Variants in DNAAF2 observed in about 807,000 individuals in gnomAD.
The protein encoded by DNAAF2 is dynein axonemal assembly factor 2.
Under a neutral mutation model 48.8 loss-of-function variants are expected in DNAAF2, and 58 were observed. That is an observed-to-expected ratio of 1.19 (90% CI 0.96 to 1.48). DNAAF2 has a LOEUF of 1.48. DNAAF2 is among the 40% of genes most tolerant of loss of function. DNAAF2 has a pLI of 0.00. For missense variants in DNAAF2, 1,241 were observed against 1,116.1 expected (o/e 1.11, Z -1.59); for synonymous variants, 567 against 481.2 (o/e 1.18, Z -2.33).
rs979587577 is a variant in DNAAF2, at chr14:49,634,268, C to G, written c.882G>C (p.Ser294=). 2 of 1,612,264 alleles carry G rather than the reference C, an allele frequency of 1.2e-6. No individual in the cohort carries two copies. The highest frequency in any genetic ancestry group is 3.3e-5 in the Admixed American group (2 of 60,030). Residue 294 remains serine, a synonymous_variant, in exon 1 of 3, where the codon TCG becomes TCC. Transcript: ENST00000298292. ...VITIELPLLR[S]AEQAALEVTR... ...TTACCTCCAGCGCCGCCTGCTCGGC[C>G]GAGCGCAACAGCGGCAGTTCGATGG...
At chr14:49,627,763 G>A (rs1177775818) in intron 2 of DNAAF2, among the ~76,000 whole-genome samples, 3 of 151,704 alleles carry the variant, frequency 2.0e-5, no homozygotes, top group African/African-American at 7.3e-5. Flanking sequence ...GCTGAGGCAG[G>A]AGAATCGCTT....
chr14:49,627,534 G>A (rs932983624), intron 2 of DNAAF2, among the ~76,000 whole-genome samples: 11 of 152,158 alleles, frequency 7.2e-5, no homozygotes, highest in African/African-American at 2.7e-4. Context: ...ATAGCAAAGT[G>A]TTTAGCACAT....
rs3029726 is a variant in DNAAF2, at chr14:49,632,447, C to CT, written c.1863+839dup. Among the ~76,000 whole-genome samples, 341 of 147,138 alleles carry CT rather than the reference C, an allele frequency of 2.3e-3. 2 individuals carry two copies. The highest frequency in any genetic ancestry group is 8.3e-3 in the East Asian group (41 of 4,934). On this transcript the variant is annotated intron_variant, in intron 1 of 2. Transcript: ENST00000298292. ...GCCCAAAGTCTAATACTTAATTTTT[C>CT]TTTTTTTTTTTTTTTGATACAGAGT...
rs1332680062 is a variant in DNAAF2 at position 49,628,212 on chromosome 14, T to G, written c.1864-57A>C. 3 of 1,409,696 alleles carry G rather than the reference T, an allele frequency of 2.1e-6. No homozygotes were observed. The African/African-American group carries it at 4.3e-5, about 20-fold the overall frequency. 87.3% of individuals were successfully genotyped at this position (1,409,696 alleles called of 1,614,324 possible). ...AATAAGTCCCACTTGACAACAGTTG[T>G]ATCTCAAAGCAGCTCACAAAAATTC... On this transcript the variant is annotated intron_variant, in intron 1 of 2. Coordinates refer to ENST00000298292, the MANE Select transcript of DNAAF2 (RefSeq NM_018139.3).
intron 1 of DNAAF2, among the ~76,000 whole-genome samples, chr14:49,631,605 G>A (rs139977680): frequency 5.3e-5 from 8 of 152,060 alleles, no homozygotes; most frequent in South Asian, 2.1e-4. Context: ...TCTGGGCGAC[G>A]GTGCAAGACT....
chr14:49,635,218 C>CA lies in DNAAF2; in HGVS notation c.-70dup. 4 of 1,494,540 alleles carry CA rather than the reference C, an allele frequency of 2.7e-6. No homozygotes were observed. The highest frequency in any genetic ancestry group is 3.6e-6 in the Non-Finnish European group (4 of 1,099,484). The allele number at this position is 1,494,540 out of a possible 1,614,324, so 92.6% of individuals were successfully genotyped here. ...TGACACTGGGTTGGGGGATCCGCCT[C>CA]AGAGTTTCTGGGCAGCGTACAGTGA... is the stretch of plus-strand genomic sequence containing the variant. On this transcript the variant is annotated 5_prime_UTR_variant, in exon 1 of 3. Coordinates refer to ENST00000298292, the MANE Select transcript of DNAAF2 (RefSeq NM_018139.3).
intron 1 of DNAAF2, among the ~76,000 whole-genome samples, chr14:49,632,282 C>A (rs1281568962): frequency 6.6e-6 from 1 of 152,104 alleles, no homozygotes; most frequent in Admixed American, 6.5e-5. Context: ...TTAGCTAGCC[C>A]AGCTATTTAT....
rs187195203 is a variant in DNAAF2, at chr14:49,633,225, T to C, written c.1863+62A>G. 319 of 1,582,920 alleles carry C rather than the reference T, an allele frequency of 2.0e-4. 2 individuals are homozygous for C. In the East Asian group the frequency reaches 7.0e-3, roughly 35 times the overall value. ...GTGAGCCACCGCGCCCGGCCGGTAA[T>C]AGCAAATTTTTAAAGTGAGATGGGA... On this transcript the variant is annotated intron_variant, in intron 1 of 2. Coordinates refer to ENST00000298292, the MANE Select transcript of DNAAF2 (RefSeq NM_018139.3).
chr14:49,631,391 C>T (rs925294121), intron 1 of DNAAF2, among the ~76,000 whole-genome samples: 5 of 152,032 alleles, frequency 3.3e-5, no homozygotes, highest in South Asian at 2.1e-4. Context: ...TTTGGGAGGC[C>T]GAGGCGGGTG....
chr14:49,630,844 G>T lies in DNAAF2; in HGVS notation c.1863+2443C>A, dbSNP rs946707940. 2.9e-3 allele frequency among the ~76,000 whole-genome samples: 442 copies of T among 151,686 alleles called. 1 individual carries two copies. The highest frequency in any genetic ancestry group is 0.01 in the African/African-American group (427 of 41,318). ...CAGCTCACTGCAACCTCCACCTCCC[G>T]GGTTCAAGCAATTCTCCTGCCTCAG... is the stretch of plus-strand genomic sequence containing the variant. On this transcript the variant is annotated intron_variant, in intron 1 of 2. Coordinates refer to ENST00000298292, the MANE Select transcript of DNAAF2 (RefSeq NM_018139.3).
In DNAAF2 at chr14:49,633,579, G is replaced by C; in HGVS notation, c.1571C>G (p.Pro524Arg). 2.5e-6 allele frequency: 4 copies of C among 1,613,926 alleles called. No homozygotes were observed. Among genetic ancestry groups the C allele is most frequent in the Non-Finnish European group, 3.4e-6 (4 of 1,179,872 alleles). Residue 524 changes from proline to arginine, a missense_variant, in exon 1 of 3, where the codon CCG (proline) becomes CGG (arginine). Pro to Arg is a moderately radical substitution (Grantham distance 103). Coordinates refer to ENST00000298292, the MANE Select transcript of DNAAF2 (RefSeq NM_018139.3). Reference protein sequence around the residue: ...GTKSGEPLCPPLLCNQDKETL... With the variant: ...GTKSGEPLCPRLLCNQDKETL... ...TTCTTTGTCCTGATTACACAGTAAC[G>C]GAGGACACAAAGGCTCCCCGCTCTT...
chr14:49,630,726 AC>A (rs1231946123), intron 1 of DNAAF2, among the ~76,000 whole-genome samples: 10 of 98,178 alleles, frequency 1.0e-4, no homozygotes, highest in Non-Finnish European at 1.9e-4. Flanking sequence ...ACACACACAC[AC>A]ACACAAACTC....
chr14:49,632,162 T>C (rs1007585881), intron 1 of DNAAF2, among the ~76,000 whole-genome samples: 13 of 152,250 alleles, frequency 8.5e-5, no homozygotes, highest in Non-Finnish European at 1.8e-4. Context: ...TGGGTTATTT[T>C]CATATTTACT....
In DNAAF2 at chr14:49,633,691, G is replaced by A. The variant is rs141192321; in HGVS notation, c.1459C>T (p.Arg487Cys). 2.2e-4 allele frequency: 346 copies of A among 1,605,590 alleles called. No individual in the cohort carries two copies. In the African/African-American group the frequency reaches 3.4e-3, roughly 16 times the overall value. The change falls in exon 1 of 3, where the codon CGC (arginine) becomes TGC (cysteine). Residue 487 changes from arginine to cysteine, a missense_variant. Physicochemically the swap from Arg to Cys is radical, Grantham distance 180. Coordinates refer to ENST00000298292, the MANE Select transcript of DNAAF2 (RefSeq NM_018139.3). ...CGTGTTTCCACACTGCTATCTCCGC[G>A]CGCACTCTCTCTTCCCGCAGAAGAA... The part of the protein sequence containing the change: ...WGSSAGRESA[R>C]GDSSVETREE...
At chr14:49,630,105 CCTGTGGTCCTAGCTACTCCAGAGG>C (rs2139576388) in intron 1 of DNAAF2, among the ~76,000 whole-genome samples, 1 of 152,104 alleles carries the variant, frequency 6.6e-6, no homozygotes, top group South Asian at 2.1e-4. Flanking sequence ...GTAGCATGCA[CCTGTGGTCCTAGCTACTCCAGAGG>C]CTAAGGTGGG....
chr14:49,628,314 G>C (rs1289393015), intron 1 of DNAAF2, among the ~76,000 whole-genome samples, 159 bp from the exon 2 acceptor site: 2 of 152,116 alleles, frequency 1.3e-5, no homozygotes, highest in Admixed American at 1.3e-4. Context: ...AAAAATTTAA[G>C]TTTGGTATTG....
At chr14:49,630,669 C>CACACACACACACACACACACA (rs1555327684) in intron 1 of DNAAF2, among the ~76,000 whole-genome samples, 27 of 132,484 alleles carry the variant, frequency 2.0e-4, no homozygotes, top group Admixed American at 1.8e-3. Flanking sequence ...AACTCTCTCT[C>CACACACACACACACACACACA]CACACACACA....
At position 49,634,957 on chromosome 14, in the gene DNAAF2, C is replaced by T. The variant is rs758061137; in HGVS notation, c.193G>A (p.Val65Met). The T allele has an allele frequency of 2.6e-6, 4 of 1,559,522 alleles. No individual in the cohort carries two copies. The highest frequency in any genetic ancestry group is 1.9e-5 in the Admixed American group (1 of 52,342). Reference protein sequence around the residue: ...EITALERERGVEVRFVHPEPG... With the variant: ...EITALERERGMEVRFVHPEPG... ...TCCGGGTGCACGAACCGCACTTCCA[C>T]CCCGCGCTCACGCTCTAGCGCGGTG... The change falls in exon 1 of 3, where the codon GTG becomes ATG. Residue 65 changes from valine to methionine, a missense_variant. Transcript: ENST00000298292.
At chr14:49,630,941 G>A (rs1883145221) in intron 1 of DNAAF2, among the ~76,000 whole-genome samples, 1 of 152,022 alleles carries the variant, frequency 6.6e-6, no homozygotes, top group Admixed American at 6.6e-5. Flanking sequence ...AGTAGAGACA[G>A]GGTTTCACCT....
Sources: allele counts gnomAD v4.1 joint callset (sites outside exome capture counted in the v4.1 genomes callset), GRCh38; gene constraint gnomAD v4.1.1; transcripts MANE v1.5; gene names NCBI Gene and HGNC (gene_info 2026-07-23, HGNC 2026-07-21).